Variants in RSU1 observed in about 807,000 individuals in gnomAD.
RSU1 encodes the protein rsu-1.
Under a neutral mutation model 31.1 loss-of-function variants are expected in RSU1, and 26 were observed. The observed-to-expected ratio is 0.84, with a 90% CI of 0.61 to 1.16. The LOEUF is 1.16. Ranked by LOEUF, RSU1 falls within the 50% of genes most tolerant of loss-of-function variation. The probability of loss-of-function intolerance (pLI) is 0.00; values close to 1 mark genes in which losing one functional copy is unlikely to be tolerated. For missense variants in RSU1, 320 were observed against 339.1 expected (o/e 0.94, Z 0.44); for synonymous variants, 164 against 136.3 (o/e 1.20, Z -1.41).
At chr10:16,705,333 A>C (rs536676001) in intron 7 of RSU1, among the ~76,000 whole-genome samples, 1 of 152,102 alleles carries the variant, frequency 6.6e-6, no homozygotes, top group Non-Finnish European at 1.5e-5. Context: ...AAATAGTGTA[A>C]ATTTTCATAT....
At chr10:16,772,006 C>A (rs750477434) in intron 3 of RSU1, among the ~76,000 whole-genome samples, 1 of 152,192 alleles carries the variant, frequency 6.6e-6, no homozygotes, top group Non-Finnish European at 1.5e-5. Flanking sequence ...TACTGGGGAC[C>A]TGTGCCCCAA....
At chr10:16,717,472 G>C (rs969135016) in intron 7 of RSU1, among the ~76,000 whole-genome samples, 1 of 152,078 alleles carries the variant, frequency 6.6e-6, no homozygotes, top group Non-Finnish European at 1.5e-5. Flanking sequence ...ATTTTCACTT[G>C]TTCTCAGGTT....
At chr10:16,649,951 C>T (rs4412660) in intron 8 of RSU1, among the ~76,000 whole-genome samples, 101,863 of 152,072 alleles carry the variant, frequency 0.67, 34,969 homozygotes, top group African/African-American at 0.82. Context: ...ATCTTGCCAT[C>T]TAAAACTCTT....
chr10:16,655,036 C>A (rs1295729047), intron 8 of RSU1, among the ~76,000 whole-genome samples: 11 of 105,464 alleles, frequency 1.0e-4, no homozygotes, highest in Admixed American at 3.8e-4. Context: ...GAGTGCTGGG[C>A]AACAAAGACT....
chr10:16,619,186 T>G (rs922165400), intron 8 of RSU1, among the ~76,000 whole-genome samples: 1 of 152,234 alleles, frequency 6.6e-6, no homozygotes, highest in African/African-American at 2.4e-5. Context: ...GGAAGCCTGC[T>G]TCAGAAAAAT....
At chr10:16,611,226 G>A (rs1387490512) in intron 8 of RSU1, among the ~76,000 whole-genome samples, 1 of 152,160 alleles carries the variant, frequency 6.6e-6, no homozygotes, top group African/African-American at 2.4e-5. Flanking sequence ...TTCTCGAGTG[G>A]CCACACTACG....
chr10:16,654,464 G>A (rs1834738528), intron 8 of RSU1, among the ~76,000 whole-genome samples: 1 of 150,224 alleles, frequency 6.7e-6, no homozygotes. Flanking sequence ...GAGGTCAGGA[G>A]TTTGAGACCA....
intron 8 of RSU1, among the ~76,000 whole-genome samples, chr10:16,670,724 T>C (rs1835089632): frequency 6.6e-6 from 1 of 152,150 alleles, no homozygotes. Context: ...TTTCTTCTGG[T>C]GTTCCCTTGG....
At chr10:16,805,095 G>A (rs1027509372) in intron 2 of RSU1, among the ~76,000 whole-genome samples, 5 of 152,086 alleles carry the variant, frequency 3.3e-5, no homozygotes, top group Non-Finnish European at 7.4e-5. Flanking sequence ...CAGCTACTCG[G>A]GAGGCTGAGG....
chr10:16,621,239 C>T (rs924293993), intron 8 of RSU1, among the ~76,000 whole-genome samples: 1 of 152,116 alleles, frequency 6.6e-6, no homozygotes, highest in Admixed American at 6.5e-5. Flanking sequence ...TCAGGGATGC[C>T]ACTGAACATG....
chr10:16,710,074 A>G (rs994897666), intron 7 of RSU1, among the ~76,000 whole-genome samples: 3 of 152,202 alleles, frequency 2.0e-5, no homozygotes, highest in African/African-American at 7.2e-5. Context: ...AAGTAGCAGA[A>G]GTTGGCATCC....
At chr10:16,756,226 A>C (rs1837082893) in intron 4 of RSU1, among the ~76,000 whole-genome samples, 1 of 152,170 alleles carries the variant, frequency 6.6e-6, no homozygotes, top group African/African-American at 2.4e-5. Flanking sequence ...CGTAGGATTC[A>C]GGTTTGCAAG....
intron 8 of RSU1, among the ~76,000 whole-genome samples, chr10:16,688,172 T>C (rs1835473741): frequency 6.6e-6 from 1 of 152,174 alleles, no homozygotes; most frequent in African/African-American, 2.4e-5. Context: ...CCAAATATAT[T>C]ATATGGGTTT....
At chr10:16,609,827 C>T (rs1014088269) in intron 8 of RSU1, among the ~76,000 whole-genome samples, 5 of 152,202 alleles carry the variant, frequency 3.3e-5, no homozygotes, top group African/African-American at 1.2e-4. Context: ...GTTAAGTTCT[C>T]TTCTCATAAG....
intron 7 of RSU1, among the ~76,000 whole-genome samples, chr10:16,698,350 A>G (rs899806479): frequency 1.3e-5 from 2 of 152,108 alleles, no homozygotes; most frequent in African/African-American, 4.8e-5. Context: ...AACTTAAGGA[A>G]TAGGGACGTA....
In RSU1 at chr10:16,593,279, G is replaced by T. The variant is rs1833542418; in HGVS notation, c.*115C>A. 2.7e-6 allele frequency: 4 copies of T among 1,507,922 alleles called. No homozygotes were observed. Among genetic ancestry groups the T allele is most frequent in the Admixed American group, 2.4e-5 (1 of 41,220 alleles). The allele number at this position is 1,507,922 out of a possible 1,614,324, so 93.4% of individuals were successfully genotyped here. A position where few individuals can be genotyped will look rare whatever the true frequency, so the allele number is the denominator to read the frequency against. On this transcript the variant is annotated 3_prime_UTR_variant, in exon 9 of 9. Coordinates refer to ENST00000345264, the MANE Select transcript of RSU1 (RefSeq NM_012425.4). ...GGAAGCATTAGAAAGAGAGTGAAAA[G>T]AAAAATAAAAAAGGCCTCACACGCA... is the stretch of plus-strand genomic sequence containing the variant.
At position 16,731,180 on chromosome 10, in the gene RSU1, C is replaced by T. The variant is rs565512118; in HGVS notation, c.598+21359G>A. On this transcript the variant is annotated intron_variant, in intron 7 of 8. Coordinates refer to ENST00000345264, the MANE Select transcript of RSU1 (RefSeq NM_012425.4). ...GTGTCATTTTATGTTCCATCATCTA[C>T]TAGTTAATTTAACCATTTTTATATC... Among the ~76,000 whole-genome samples, 7 of 152,192 alleles carry T rather than the reference C, an allele frequency of 4.6e-5. No homozygotes were observed. In the South Asian group the frequency reaches 1.0e-3, roughly 23 times the overall value.
chr10:16,765,599 T>C (rs186260649), intron 3 of RSU1, among the ~76,000 whole-genome samples: 1 of 152,210 alleles, frequency 6.6e-6, no homozygotes, highest in African/African-American at 2.4e-5. Flanking sequence ...GCAGCAGGAG[T>C]TTCCATAGAC....
intron 3 of RSU1, among the ~76,000 whole-genome samples, chr10:16,772,406 G>A (rs1225098096): frequency 2.6e-5 from 4 of 152,070 alleles, no homozygotes; most frequent in Non-Finnish European, 5.9e-5. Flanking sequence ...AAATCTTGCA[G>A]GAACACCACT....
Sources: allele counts gnomAD v4.1 joint callset (sites outside exome capture counted in the v4.1 genomes callset), GRCh38; gene constraint gnomAD v4.1.1; transcripts MANE v1.5; gene names NCBI Gene and HGNC (gene_info 2026-07-23, HGNC 2026-07-21).